Variants in BTN2A1 observed in about 807,000 individuals in gnomAD.
BTN2A1 encodes butyrophilin, subfamily 2, member A1.
A neutral mutation model predicts 34.5 loss-of-function variants in BTN2A1; 41 were observed. The ratio of observed to expected loss-of-function variants is 1.19; its 90% CI spans 0.93 to 1.54. BTN2A1 has a LOEUF of 1.54. BTN2A1 is among the 40% of genes most tolerant of loss of function. The probability of loss-of-function intolerance (pLI) is 0.00; values close to 1 mark genes in which losing one functional copy is unlikely to be tolerated. For synonymous variants in BTN2A1, 267 were observed against 258.6 expected, an observed-to-expected ratio of 1.03 and a Z score of -0.31; for missense variants, 642 against 662.0, an observed-to-expected ratio of 0.97 and a Z score of 0.33.
chr6:26,467,860 G>A, intron 7 of BTN2A1, 88 bp from the exon 8 acceptor site: 1 of 1,564,440 alleles, frequency 6.4e-7, no homozygotes, highest in Admixed American at 1.9e-5. Context: ...TCCCTTCAGA[G>A]ATATCTGAGA....
At chr6:26,462,514 C>G (rs1763192004) in intron 3 of BTN2A1, among the ~76,000 whole-genome samples, 1 of 152,188 alleles carries the variant, frequency 6.6e-6, no homozygotes, top group Non-Finnish European at 1.5e-5. Context: ...CCACTGCACT[C>G]CAACCTGGAC....
In BTN2A1 at chr6:26,464,686, G is replaced by A. The variant is rs560716307; in HGVS notation, c.713-499G>A. On this transcript the variant is annotated intron_variant, in intron 4 of 7. Coordinates refer to ENST00000312541, the MANE Select transcript of BTN2A1 (RefSeq NM_007049.5). ...GGAGTGAGTGCAGGAAGTGAAAGGA[G>A]ATGAATTCACAGAGGCAATGAAAAC... 7.2e-5 allele frequency among the ~76,000 whole-genome samples: 11 copies of A among 152,264 alleles called. No individual in the cohort carries two copies. In the South Asian group the frequency reaches 2.1e-3, roughly 29 times the overall value.
chr6:26,465,307 C>A lies in BTN2A1; in HGVS notation c.835C>A (p.Leu279Met), dbSNP rs779172120. The A allele has an allele frequency of 2.8e-5, 45 of 1,614,142 alleles. 1 individual carries two copies. The highest frequency in any genetic ancestry group is 3.7e-5 in the Non-Finnish European group (44 of 1,180,032). The change falls in exon 5 of 8, where the codon CTG (leucine) becomes ATG (methionine). Residue 279 changes from leucine to methionine, a missense_variant. Physicochemically the swap from Leu to Met is conservative, Grantham distance 15. Coordinates refer to ENST00000312541, the MANE Select transcript of BTN2A1 (RefSeq NM_007049.5). ...CAAACTCCAAAAGGAAAAAAAGATT[C>A]TGTCAGGGGAAAAGGAGTTTGAACG... is the stretch of plus-strand genomic sequence containing the variant. ...INKLQKEKKI[L>M]SGEKEFERET...
In BTN2A1 at chr6:26,458,675, C is replaced by T; in HGVS notation, c.39C>T (p.Ala13=). ...SAAALHFSRP[A]SLLLLLLSLC... is the part of the protein sequence containing the mutation. Reference sequence around the variant, plus strand: ...CTGCCCTGCACTTCTCCCGGCCAGCCTCCCTCCTCCTCCTCCTCCTCAGCC... The same window carrying T: ...CTGCCCTGCACTTCTCCCGGCCAGCTTCCCTCCTCCTCCTCCTCCTCAGCC... The change falls in exon 2 of 8, where the codon GCC becomes GCT. Residue 13 remains alanine, a synonymous_variant. Transcript: ENST00000312541. 8 of 1,613,640 alleles carry T rather than the reference C, an allele frequency of 5.0e-6. No homozygotes were observed. The highest frequency in any genetic ancestry group is 6.8e-6 in the Non-Finnish European group (8 of 1,179,640).
At chr6:26,475,475 A>G (rs939610183) in intron 7 of BTN2A1, among the ~76,000 whole-genome samples, 4 of 152,198 alleles carry the variant, frequency 2.6e-5, no homozygotes, top group South Asian at 2.1e-4. Context: ...TGAATATGCA[A>G]TGAACCCCAG....
chr6:26,468,699 C>T lies in BTN2A1; in HGVS notation c.*150C>T, dbSNP rs200175013. ...TGCCTCTTTCACACCCACTACAGAC[C>T]TCAGCCCCAGTTTTCTCCTCCTCAC... On this transcript the variant is annotated 3_prime_UTR_variant, in exon 8 of 8. Coordinates refer to ENST00000312541, the MANE Select transcript of BTN2A1 (RefSeq NM_007049.5). 1.6e-4 allele frequency: 254 copies of T among 1,613,228 alleles called. 2 individuals carry two copies. The Middle Eastern group carries it at 2.6e-3, about 17-fold the overall frequency.
chr6:26,463,246 C>A lies in BTN2A1; in HGVS notation c.433C>A (p.Leu145Ile). The change falls in exon 4 of 8, where the codon CTA becomes ATA. Residue 145 changes from leucine to isoleucine, a missense_variant and splice_region_variant. Transcript: ENST00000312541. ...EAILHLVVAG[L>I]GSKPLISMRG... is the part of the protein sequence containing the mutation. ...TGAACCCTGATATCTCTCCACAGGACTAGGCTCTAAGCCCCTCATTTCAAT... is the reference window on the plus strand; with the variant it reads ...TGAACCCTGATATCTCTCCACAGGAATAGGCTCTAAGCCCCTCATTTCAAT... 6.3e-7 allele frequency: 1 copy of A among 1,594,946 alleles called. No individual in the cohort carries two copies. The highest frequency in any genetic ancestry group is 1.8e-5 in the Admixed American group (1 of 56,188).
At position 26,476,335 on chromosome 6, in the gene BTN2A1, C is replaced by A. The variant is rs1163921808; in HGVS notation, c.*203C>A. The A allele has an allele frequency of 3.5e-5, 27 of 769,826 alleles. No individual in the cohort carries two copies. In the African/African-American group the frequency reaches 3.7e-4, roughly 11 times the overall value. 47.7% of individuals were successfully genotyped at this position (769,826 alleles called of 1,614,324 possible). A position where few individuals can be genotyped will look rare whatever the true frequency, so the allele number is the denominator to read the frequency against. On this transcript the variant is annotated 3_prime_UTR_variant, in exon 8 of 8. Coordinates refer to the BTN2A1 transcript ENST00000469185. Reference sequence around the variant, plus strand: ...TCATCAGCTAGGCTGAAGCTCCTGACAGACTCACACCAGTATCTTGCTGCT... The same window carrying A: ...TCATCAGCTAGGCTGAAGCTCCTGAAAGACTCACACCAGTATCTTGCTGCT...
In BTN2A1 at chr6:26,463,250, G is replaced by A. The variant is rs1030111114; in HGVS notation, c.437G>A (p.Gly146Asp). The change falls in exon 4 of 8, where the codon GGC (glycine) becomes GAC (aspartate). Residue 146 changes from glycine (G) to aspartate (D), a missense_variant. Gly to Asp is a moderately conservative substitution (Grantham distance 94). Transcript: ENST00000312541. ...CCCTGATATCTCTCCACAGGACTAG[G>A]CTCTAAGCCCCTCATTTCAATGAGG... ...AILHLVVAGL[G>D]SKPLISMRGH... 1.2e-6 allele frequency: 2 copies of A among 1,602,986 alleles called. No homozygotes were observed. Among genetic ancestry groups the A allele is most frequent in the East Asian group, 2.2e-5 (1 of 44,794 alleles).
chr6:26,471,637 A>C (rs1292842335), downstream of BTN2A1, among the ~76,000 whole-genome samples: 1 of 151,100 alleles, frequency 6.6e-6, no homozygotes, highest in Non-Finnish European at 1.5e-5. Context: ...ACTCTCAAAA[A>C]AGAAAAGAGA....
chr6:26,463,539 C>T lies in BTN2A1; in HGVS notation c.712+14C>T, dbSNP rs368095730. 1.4e-5 allele frequency: 22 copies of T among 1,609,276 alleles called. No individual in the cohort carries two copies. The highest frequency in any genetic ancestry group is 1.7e-5 in the Non-Finnish European group (20 of 1,176,674). ...TTTTTATTCCAGGTTAGTTCTCTGC[C>T]CTCTGAGACTCGTCGAGTGCATGGG... On this transcript the variant is annotated intron_variant, in intron 4 of 7. Coordinates refer to ENST00000312541, the MANE Select transcript of BTN2A1 (RefSeq NM_007049.5).
At position 26,468,945 on chromosome 6, in the gene BTN2A1, A is replaced by G. The variant is rs552786299; in HGVS notation, c.*396A>G. The G allele has an allele frequency of 6.5e-6, 8 of 1,224,116 alleles. No homozygotes were observed. The highest frequency in any genetic ancestry group is 6.3e-5 in the African/African-American group (4 of 63,932). 75.8% of individuals were successfully genotyped at this position (1,224,116 alleles called of 1,614,324 possible). ...AGGCCTACAGGGTTCACCAGGATGT[A>G]AGAGGAGAGAGGAATCCACAGGACC... On this transcript the variant is annotated 3_prime_UTR_variant, in exon 8 of 8. Transcript: ENST00000312541.
chr6:26,470,521 T>C (rs1763431066), downstream of BTN2A1, among the ~76,000 whole-genome samples: 1 of 152,100 alleles, frequency 6.6e-6, no homozygotes, highest in Non-Finnish European at 1.5e-5. Flanking sequence ...GATGGAGCAT[T>C]ATTTCTGGAT....
chr6:26,471,352 C>G (rs1372135826), downstream of BTN2A1, among the ~76,000 whole-genome samples: 1 of 152,174 alleles, frequency 6.6e-6, no homozygotes, highest in African/African-American at 2.4e-5. Context: ...CTGGTAAGAG[C>G]CTGCATCCTT....
chr6:26,469,726 A>T (rs1166970243), downstream of BTN2A1: 1 of 152,204 alleles, frequency 6.6e-6, no homozygotes, highest in Non-Finnish European at 1.5e-5. Flanking sequence ...CTCTGTTGAG[A>T]TATCATAGAC....
chr6:26,475,380 T>C (rs1342247287), intron 7 of BTN2A1, among the ~76,000 whole-genome samples: 1 of 152,180 alleles, frequency 6.6e-6, no homozygotes, highest in Non-Finnish European at 1.5e-5. Context: ...CCTACTTGCC[T>C]TAATCACCTT....
At chr6:26,462,474 G>A (rs888854661) in intron 3 of BTN2A1, among the ~76,000 whole-genome samples, 1 of 152,176 alleles carries the variant, frequency 6.6e-6, no homozygotes, top group Non-Finnish European at 1.5e-5. Context: ...TTGAGCCCAG[G>A]AGTACAAGGC....
intron 7 of BTN2A1, chr6:26,467,728 T>G (rs767924484): frequency 5.6e-6 from 9 of 1,592,978 alleles, no homozygotes; most frequent in Non-Finnish European, 6.8e-6. Context: ...GAGCTCCAAT[T>G]CTTCTCAAAC....
rs114905060 is a variant in BTN2A1, at chr6:26,467,759, C to G, written c.983-189C>G. The G allele has an allele frequency of 3.8e-6, 6 of 1,582,686 alleles. No individual in the cohort carries two copies. The South Asian group carries it at 6.9e-5, about 18-fold the overall frequency. On this transcript the variant is annotated intron_variant, in intron 7 of 7. Transcript: ENST00000312541. Reference sequence around the variant, plus strand: ...CAAACTGAGAGAACTGCTTCTGTCTCTGGAGAGACAGAAGTGCAGCTTCAG... The same window carrying G: ...CAAACTGAGAGAACTGCTTCTGTCTGTGGAGAGACAGAAGTGCAGCTTCAG...
Sources: allele counts gnomAD v4.1 joint callset (sites outside exome capture counted in the v4.1 genomes callset), GRCh38; gene constraint gnomAD v4.1.1; transcripts MANE v1.5; gene names NCBI Gene and HGNC (gene_info 2026-07-23, HGNC 2026-07-21).